FHIP1A: variants seen among roughly 807,000 people sequenced by gnomAD.
FHIP1A encodes the protein FHF complex subunit HOOK interacting protein 1A.
A neutral mutation model predicts 88.6 loss-of-function variants in FHIP1A; 61 were observed. The ratio of observed to expected loss-of-function variants is 0.69; its 90% CI spans 0.56 to 0.85. FHIP1A has a LOEUF of 0.85. Ranked by LOEUF, FHIP1A falls within the 40% of genes least tolerant of loss-of-function variation. FHIP1A has a pLI of 0.00. For synonymous variants in FHIP1A, 478 were observed against 496.0 expected, an observed-to-expected ratio of 0.96 and a Z score of 0.48; for missense variants, 1,154 against 1,273.5, an observed-to-expected ratio of 0.91 and a Z score of 1.43.
chr4:151,600,837 GA>G (rs1374522717), intron 7 of FHIP1A, among the ~76,000 whole-genome samples: 1 of 152,166 alleles, frequency 6.6e-6, no homozygotes, highest in Admixed American at 6.5e-5. Context: ...CTCCGAGAGT[GA>G]GTGTGCCAAA....
At chr4:151,578,825 G>A (rs1578776360) in intron 5 of FHIP1A, among the ~76,000 whole-genome samples, 1 of 152,102 alleles carries the variant, frequency 6.6e-6, no homozygotes, top group East Asian at 1.9e-4. Flanking sequence ...ATTTATAATT[G>A]CCAAAAACTT....
intron 3 of FHIP1A, among the ~76,000 whole-genome samples, chr4:151,515,242 C>G (rs1160926625): frequency 1.8e-5 from 2 of 108,946 alleles, no homozygotes; most frequent in East Asian, 4.6e-4. Flanking sequence ...AGGCCTTTGA[C>G]AAAATTCAAC....
At chr4:151,522,998 T>G (rs1284625886) in intron 3 of FHIP1A, among the ~76,000 whole-genome samples, 1 of 152,198 alleles carries the variant, frequency 6.6e-6, no homozygotes, top group Non-Finnish European at 1.5e-5. Flanking sequence ...ACATGATCAT[T>G]TATACACTGT....
At chr4:151,592,622 T>A (rs1407043959) in intron 7 of FHIP1A, among the ~76,000 whole-genome samples, 1 of 152,206 alleles carries the variant, frequency 6.6e-6, no homozygotes, top group African/African-American at 2.4e-5. Flanking sequence ...GGGTTTTTTC[T>A]TGTAAATTTG....
Position 151,649,863 on chromosome 4 carries a change from C to G in FHIP1A, c.1822C>G (p.Pro608Ala). Residue 608 changes from proline to alanine, a missense_variant, in exon 11 of 14, where the codon CCA (proline) becomes GCA (alanine). By Grantham distance (27) the Pro-to-Ala change is conservative. Transcript: ENST00000435205. The stretch of plus-strand genomic sequence containing the variant: ...TGATGATCTGGAGGTTTCAGGCCCC[C>G]CAGCACCCATTGATCCCCCCAAACA... ...PYDDLEVSGP[P>A]APIDPPKHIQ... is the part of the protein sequence containing the mutation. 1 of 1,551,516 alleles carries G rather than the reference C, an allele frequency of 6.4e-7. No individual in the cohort carries two copies. Among genetic ancestry groups the G allele is most frequent in the Non-Finnish European group, 8.7e-7 (1 of 1,146,944 alleles).
At chr4:151,470,033 A>G (rs1248250819) in intron 2 of FHIP1A, among the ~76,000 whole-genome samples, 1 of 152,202 alleles carries the variant, frequency 6.6e-6, no homozygotes, top group Non-Finnish European at 1.5e-5. Flanking sequence ...CTGTGCTAAG[A>G]GCTTCTCATA....
rs180871583 is a variant in FHIP1A at position 151,571,417 on chromosome 4, C to G, written c.105+5053C>G. Among the ~76,000 whole-genome samples, 3 of 152,224 alleles carry G rather than the reference C, an allele frequency of 2.0e-5. No individual in the cohort carries two copies. In the East Asian group the frequency reaches 5.8e-4, roughly 29 times the overall value. On this transcript the variant is annotated intron_variant, in intron 4 of 13. Coordinates refer to ENST00000435205, the MANE Select transcript of FHIP1A (RefSeq NM_001109977.3). The stretch of plus-strand genomic sequence containing the variant: ...AGGAAAAGTCAGTGGGTTTAGTAAC[C>G]TTTTTCATCTTGGAGGGGGTAGGGA...
chr4:151,441,179 A>G (rs1409374793), intron 1 of FHIP1A, among the ~76,000 whole-genome samples: 1 of 152,222 alleles, frequency 6.6e-6, no homozygotes, highest in East Asian at 1.9e-4. Context: ...TAATAGAGGT[A>G]GGGATTCGTG....
chr4:151,661,527 G>A (rs1392806650), intron 13 of FHIP1A, among the ~76,000 whole-genome samples: 1 of 150,754 alleles, frequency 6.6e-6, no homozygotes, highest in Non-Finnish European at 1.5e-5. Context: ...GTTGAAAAAT[G>A]GTACTGAATT....
Position 151,638,805 on chromosome 4 carries a change from T to C in FHIP1A, c.1226+49T>C, listed in dbSNP as rs1454653361. 6 of 955,888 alleles carry C rather than the reference T, an allele frequency of 6.3e-6. No homozygotes were observed. In the Admixed American group the frequency reaches 9.8e-5, roughly 16 times the overall value. The allele number at this position is 955,888 out of a possible 1,614,324, so 59.2% of individuals were successfully genotyped here. A position where few individuals can be genotyped will look rare whatever the true frequency, so the allele number is the denominator to read the frequency against. ...TTAAAGAAAAATTCACTTTATACTT[T>C]ATATTACTTTATATTCATATACTTT... On this transcript the variant is annotated intron_variant, in intron 9 of 13. Coordinates refer to ENST00000435205, the MANE Select transcript of FHIP1A (RefSeq NM_001109977.3).
intron 1 of FHIP1A, among the ~76,000 whole-genome samples, chr4:151,445,604 T>TA (rs1039759269): frequency 2.0e-5 from 3 of 151,820 alleles, no homozygotes; most frequent in Non-Finnish European, 2.9e-5. Context: ...TTATGAATAA[T>TA]AAAAGACATC....
At chr4:151,505,956 T>C (rs1312635529) in intron 3 of FHIP1A, among the ~76,000 whole-genome samples, 1 of 152,226 alleles carries the variant, frequency 6.6e-6, no homozygotes, top group Non-Finnish European at 1.5e-5. Flanking sequence ...AGGGTCTTGC[T>C]CTGTCACCCA....
intron 3 of FHIP1A, among the ~76,000 whole-genome samples, chr4:151,554,634 T>A (rs1732875935): frequency 6.6e-6 from 1 of 152,172 alleles, no homozygotes; most frequent in African/African-American, 2.4e-5. Flanking sequence ...TTGGACATGT[T>A]CTATTTCTAC....
At chr4:151,616,073 C>G (rs1211815160) in intron 7 of FHIP1A, among the ~76,000 whole-genome samples, 1 of 152,092 alleles carries the variant, frequency 6.6e-6, no homozygotes, top group Non-Finnish European at 1.5e-5. Context: ...TTGGCAGTGT[C>G]TAGAATACAG....
chr4:151,499,404 G>T (rs1343149702), intron 3 of FHIP1A, among the ~76,000 whole-genome samples: 1 of 152,262 alleles, frequency 6.6e-6, no homozygotes, highest in Non-Finnish European at 1.5e-5. Flanking sequence ...AGCCAGATCT[G>T]CCCAGTACAA....
intron 2 of FHIP1A, among the ~76,000 whole-genome samples, chr4:151,462,429 T>C (rs62327217): frequency 6.6e-6 from 1 of 152,230 alleles, no homozygotes; most frequent in Non-Finnish European, 1.5e-5. Context: ...TAACTGGAGC[T>C]AATTGGTAAA....
At chr4:151,451,758 A>G (rs562169422) in intron 1 of FHIP1A, among the ~76,000 whole-genome samples, 39 of 151,954 alleles carry the variant, frequency 2.6e-4, no homozygotes, top group Non-Finnish European at 5.3e-4. Flanking sequence ...TTTTTATAAT[A>G]AAGTGCTTTT....
chr4:151,417,622 C>T lies in FHIP1A; in HGVS notation c.-356+8157C>T, dbSNP rs570291098. On this transcript the variant is annotated intron_variant, in intron 1 of 13. Transcript: ENST00000435205. The stretch of plus-strand genomic sequence containing the variant: ...TTGGGTGTGGAAAGTTGGGGTTTTC[C>T]TTTTGATTTAGTTCTAGGAAGTCAG... Among the ~76,000 whole-genome samples the T allele has an allele frequency of 1.9e-3, 285 of 152,124 alleles. 1 individual carries two copies. Among genetic ancestry groups the T allele is most frequent in the African/African-American group, 6.8e-3 (283 of 41,494 alleles).
In FHIP1A at chr4:151,544,202, G is replaced by A. The variant is rs571039314; in HGVS notation, c.-122-21936G>A. On this transcript the variant is annotated intron_variant, in intron 3 of 13. Coordinates refer to ENST00000435205, the MANE Select transcript of FHIP1A (RefSeq NM_001109977.3). ...TATTTTGAAGATAAAGTGAGACACA[G>A]AGTAGTGAAGTAACTGTCCAAGTTC... is the stretch of plus-strand genomic sequence containing the variant. Among the ~76,000 whole-genome samples the A allele has an allele frequency of 2.6e-5, 4 of 152,322 alleles. No homozygotes were observed. In the South Asian group the frequency reaches 8.3e-4, roughly 32 times the overall value.
Sources: gnomAD v4.1 joint callset for allele counts (sites outside exome capture counted in the v4.1 genomes callset) on GRCh38, gnomAD v4.1.1 for gene constraint, MANE v1.5 for transcripts, NCBI Gene and HGNC (gene_info 2026-07-23, HGNC 2026-07-21) for gene names.